FSTL5: variants seen among roughly 807,000 people sequenced by gnomAD.
FSTL5 encodes follistatin like 5.
A neutral mutation model predicts 89.1 loss-of-function variants in FSTL5; 62 were observed. The ratio of observed to expected loss-of-function variants is 0.70; its 90% CI spans 0.57 to 0.86. The LOEUF (loss-of-function observed/expected upper bound fraction) is 0.86, where lower values mean the gene tolerates loss of function less well. FSTL5 is among the 40% of genes least tolerant of loss of function. FSTL5 has a pLI of 0.00. For missense variants in FSTL5, 1,057 were observed against 1,001.6 expected (o/e 1.06, Z -0.75); for synonymous variants, 383 against 346.2 (o/e 1.11, Z -1.18).
chr4:162,120,752 A>T (rs527824929), intron 1 of FSTL5, among the ~76,000 whole-genome samples: 10 of 152,188 alleles, frequency 6.6e-5, no homozygotes, highest in Non-Finnish European at 1.2e-4. Context: ...ATTTTAAAAA[A>T]TACTACAGCA....
rs563226804 is a variant in FSTL5, at chr4:161,596,570, C to A, written c.895-8995G>T. On this transcript the variant is annotated intron_variant, in intron 7 of 15. Transcript: ENST00000306100. ...ATTAATTGATATGTTCTCTTCTTGA[C>A]CACACTTCTCAGAATTCCTTATTGT... Among the ~76,000 whole-genome samples, 20 of 152,122 alleles carry A rather than the reference C, an allele frequency of 1.3e-4. No individual in the cohort carries two copies. The South Asian group carries it at 3.5e-3, about 27-fold the overall frequency.
intron 4 of FSTL5, among the ~76,000 whole-genome samples, chr4:161,854,735 A>G (rs1731667967): frequency 1.3e-5 from 2 of 152,160 alleles, no homozygotes; most frequent in African/African-American, 4.8e-5. Context: ...AATATATAAT[A>G]AGGGATGAAC....
At chr4:161,643,127 T>C (rs1349321538) in intron 7 of FSTL5, among the ~76,000 whole-genome samples, 1 of 152,210 alleles carries the variant, frequency 6.6e-6, no homozygotes, top group Non-Finnish European at 1.5e-5. Context: ...CATTAAGTGC[T>C]ATTATTGTGT....
intron 6 of FSTL5, among the ~76,000 whole-genome samples, chr4:161,684,573 A>T (rs1004905911): frequency 1.3e-5 from 2 of 152,104 alleles, no homozygotes; most frequent in Admixed American, 6.5e-5. Flanking sequence ...TCTTCTTTTG[A>T]GAATACCCTA....
intron 2 of FSTL5, among the ~76,000 whole-genome samples, chr4:162,050,629 C>G (rs1738348636): frequency 6.7e-6 from 1 of 149,160 alleles, no homozygotes; most frequent in African/African-American, 2.5e-5. Context: ...GAGAATTTGA[C>G]AAGAAAATAA....
rs56229701 is a variant in FSTL5, at chr4:161,437,565, C to CAAAAAAAAAAA, written c.1841+17428_1841+17438dup. Among the ~76,000 whole-genome samples the CAAAAAAAAAAA allele has an allele frequency of 3.1e-3, 209 of 68,442 alleles. 28 individuals carry two copies. The highest frequency in any genetic ancestry group is 0.012 in the South Asian group (20 of 1,604). 44.9% of individuals were successfully genotyped at this position (68,442 alleles called of 152,430 possible). ...CTGGTGACAGAGTGAGACTCCGTCT[C>CAAAAAAAAAAA]AAAAAAAAAAAAAAAAACGAGGTCA... is the stretch of plus-strand genomic sequence containing the variant. On this transcript the variant is annotated intron_variant, in intron 15 of 15. Transcript: ENST00000306100.
intron 11 of FSTL5, among the ~76,000 whole-genome samples, chr4:161,501,526 T>G (rs1478633181): frequency 6.6e-6 from 1 of 152,054 alleles, no homozygotes; most frequent in Non-Finnish European, 1.5e-5. Context: ...GCACATGAAA[T>G]TATTTATAAT....
intron 7 of FSTL5, among the ~76,000 whole-genome samples, chr4:161,642,246 A>G (rs986595294): frequency 6.6e-6 from 1 of 152,214 alleles, no homozygotes; most frequent in African/African-American, 2.4e-5. Flanking sequence ...TTTTAAGTAT[A>G]CAATACAATA....
intron 4 of FSTL5, among the ~76,000 whole-genome samples, chr4:161,840,280 G>A (rs1224204990): frequency 6.6e-6 from 1 of 151,968 alleles, no homozygotes; most frequent in African/African-American, 2.4e-5. Flanking sequence ...AGATAAAAGT[G>A]GAATTTATGT....
intron 2 of FSTL5, among the ~76,000 whole-genome samples, chr4:162,102,788 A>T (rs1731057146): frequency 6.8e-6 from 1 of 147,612 alleles, no homozygotes; most frequent in South Asian, 2.1e-4. Context: ...ATATTTATAT[A>T]TGGAGTGATC....
At chr4:161,811,086 A>G (rs1481072421) in intron 4 of FSTL5, among the ~76,000 whole-genome samples, 1 of 152,198 alleles carries the variant, frequency 6.6e-6, no homozygotes, top group Non-Finnish European at 1.5e-5. Flanking sequence ...TAGTGAACAT[A>G]AATAAATACA....
At chr4:161,973,584 T>C (rs908629472) in intron 3 of FSTL5, among the ~76,000 whole-genome samples, 2 of 152,186 alleles carry the variant, frequency 1.3e-5, no homozygotes, top group Non-Finnish European at 2.9e-5. Flanking sequence ...AGTTAAAGCA[T>C]GAAAAACAGT....
At chr4:162,143,654 AT>A in intron 1 of FSTL5, among the ~76,000 whole-genome samples, 1 of 152,062 alleles carries the variant, frequency 6.6e-6, no homozygotes, top group South Asian at 2.1e-4. Context: ...ATTACAAACT[AT>A]TTAAAACACT....
intron 1 of FSTL5, among the ~76,000 whole-genome samples, chr4:162,132,035 A>G (rs1732320099): frequency 6.6e-6 from 1 of 152,246 alleles, no homozygotes; most frequent in African/African-American, 2.4e-5. Context: ...CTGCTCTATC[A>G]TATCTGCTAT....
chr4:161,803,265 T>C (rs1560854833), intron 4 of FSTL5, among the ~76,000 whole-genome samples: 1 of 151,922 alleles, frequency 6.6e-6, no homozygotes, highest in African/African-American at 2.4e-5. Flanking sequence ...TATTTAAAAA[T>C]TGGCATTCAA....
At chr4:161,603,790 C>T (rs1734337981) in intron 7 of FSTL5, among the ~76,000 whole-genome samples, 2 of 151,978 alleles carry the variant, frequency 1.3e-5, no homozygotes, top group South Asian at 2.1e-4. Context: ...AAGGTGTCAA[C>T]GTACCTGAAA....
intron 3 of FSTL5, among the ~76,000 whole-genome samples, chr4:162,020,975 T>C (rs572277078): frequency 1.3e-5 from 2 of 152,160 alleles, no homozygotes; most frequent in Non-Finnish European, 2.9e-5. Context: ...GTAAAATTAA[T>C]CTTTTCTTTA....
intron 4 of FSTL5, among the ~76,000 whole-genome samples, chr4:161,830,914 T>G (rs1373094288): frequency 6.6e-6 from 1 of 151,984 alleles, no homozygotes; most frequent in African/African-American, 2.4e-5. Context: ...GGATTCTGCA[T>G]TGTTATTTTA....
intron 6 of FSTL5, among the ~76,000 whole-genome samples, chr4:161,738,900 T>C (rs1330339976): frequency 1.3e-5 from 2 of 152,182 alleles, no homozygotes; most frequent in Non-Finnish European, 2.9e-5. Flanking sequence ...ATTACACTGA[T>C]TGCAATCAAG....
Sources: allele counts gnomAD v4.1 joint callset (sites outside exome capture counted in the v4.1 genomes callset), GRCh38; gene constraint gnomAD v4.1.1; transcripts MANE v1.5; gene names NCBI Gene and HGNC (gene_info 2026-07-23, HGNC 2026-07-21).